Variants in FGF14 observed in about 807,000 individuals in gnomAD.
FGF14 encodes the protein fibroblast growth factor homologous factor 4.
In FGF14, 5 loss-of-function variants were observed where a neutral mutation model predicts 25.5. The observed-to-expected ratio is 0.20, with a 90% confidence interval of 0.10 to 0.41. The LOEUF (loss-of-function observed/expected upper bound fraction) is 0.41. Among genes scored for constraint, FGF14 ranks in the 10% least tolerant of loss-of-function variants. FGF14 has a pLI of 1.00. For missense variants in FGF14, 222 were observed against 320.1 expected (o/e 0.69, Z 2.34); for synonymous variants, 138 against 118.3 (o/e 1.17, Z -1.08).
chr13:102,080,064 A>G (rs2043547222), intron 1 of FGF14, among the ~76,000 whole-genome samples: 1 of 152,116 alleles, frequency 6.6e-6, no homozygotes, highest in Non-Finnish European at 1.5e-5. Context: ...AGGGAAGAAG[A>G]TCATACAAAC....
chr13:101,980,355 A>C (rs2038173524), intron 1 of FGF14, among the ~76,000 whole-genome samples: 1 of 150,042 alleles, frequency 6.7e-6, no homozygotes, highest in Admixed American at 6.7e-5. Context: ...AAAAAAAAAA[A>C]CGGGGCTAGA....
At chr13:102,261,447 C>G (rs186545234) in intron 1 of FGF14, among the ~76,000 whole-genome samples, 3 of 152,280 alleles carry the variant, frequency 2.0e-5, no homozygotes, top group Admixed American at 2.0e-4. Flanking sequence ...TATAAATTAG[C>G]TGGAAGCAGC....
intron 1 of FGF14, among the ~76,000 whole-genome samples, chr13:102,156,382 G>C (rs1474404790): frequency 6.6e-6 from 1 of 152,072 alleles, no homozygotes; most frequent in Non-Finnish European, 1.5e-5. Context: ...ATGTAATCCA[G>C]CATATAAACA....
chr13:101,796,178 T>A, intron 3 of FGF14, among the ~76,000 whole-genome samples: 1 of 152,238 alleles, frequency 6.6e-6, no homozygotes, highest in South Asian at 2.1e-4. Flanking sequence ...AAAATTAATA[T>A]TTTTAAGTTA....
rs1263982949 is a variant in FGF14, at chr13:102,198,628, C to T, written c.208+202843G>A. Among the ~76,000 whole-genome samples the T allele has an allele frequency of 1.2e-4, 18 of 152,232 alleles. No individual in the cohort carries two copies. The South Asian group carries it at 3.7e-3, about 32-fold the overall frequency. ...TAATGTCAGTCCTCCTTCTAAAGAC[C>T]AGAGAAAATTTCTGTTCCACCTGAT... On this transcript the variant is annotated intron_variant, in intron 1 of 4. Transcript: ENST00000376131.
intron 1 of FGF14, among the ~76,000 whole-genome samples, chr13:102,014,998 G>A (rs76358399): frequency 0.034 from 5,204 of 152,172 alleles, 311 homozygotes; most frequent in African/African-American, 0.12. Context: ...TCAGCTCACC[G>A]CTGAGTTCAA....
At chr13:101,937,493 A>T (rs1410250054) in intron 1 of FGF14, among the ~76,000 whole-genome samples, 3 of 152,244 alleles carry the variant, frequency 2.0e-5, no homozygotes, top group African/African-American at 4.8e-5. Context: ...GGCCGTGGGC[A>T]AGCCCAGGAG....
chr13:101,792,872 C>CT (rs1381453291), intron 3 of FGF14, among the ~76,000 whole-genome samples: 1 of 151,742 alleles, frequency 6.6e-6, no homozygotes, highest in African/African-American at 2.4e-5. Context: ...ATTTGATTGG[C>CT]TTTTTTTGTA....
chr13:102,081,558 A>C (rs1465643993), intron 1 of FGF14, among the ~76,000 whole-genome samples: 1 of 152,186 alleles, frequency 6.6e-6, no homozygotes, highest in African/African-American at 2.4e-5. Context: ...TCTTTCACTT[A>C]ATGAAAAGAT....
intron 1 of FGF14, among the ~76,000 whole-genome samples, chr13:102,025,379 T>C (rs187866668): frequency 9.3e-4 from 142 of 152,174 alleles, no homozygotes; most frequent in African/African-American, 3.1e-3. Flanking sequence ...ATAATTTATT[T>C]TGATGATGTT....
intron 1 of FGF14, among the ~76,000 whole-genome samples, chr13:101,973,125 T>A (rs1434094013): frequency 6.6e-6 from 1 of 151,596 alleles, no homozygotes; most frequent in South Asian, 2.1e-4. Flanking sequence ...GCTTCTTTTT[T>A]TTTTTTTTTT....
At chr13:102,059,387 ATG>A (rs1413470274) in intron 1 of FGF14, among the ~76,000 whole-genome samples, 1 of 152,230 alleles carries the variant, frequency 6.6e-6, no homozygotes, top group Non-Finnish European at 1.5e-5. Context: ...CAGGCAAGGT[ATG>A]TGTCTCTAAA....
chr13:101,919,035 CTT>C (rs558847291), upstream of FGF14, among the ~76,000 whole-genome samples: 94 of 152,238 alleles, frequency 6.2e-4, no homozygotes, highest in Non-Finnish European at 1.2e-3. Flanking sequence ...TCATATGTCT[CTT>C]TTCTTCCATT....
chr13:102,235,801 G>A (rs1003358387), intron 1 of FGF14, among the ~76,000 whole-genome samples: 1 of 152,132 alleles, frequency 6.6e-6, no homozygotes, highest in Non-Finnish European at 1.5e-5. Flanking sequence ...GGTAAAATGA[G>A]GCTGAGACCT....
intron 1 of FGF14, among the ~76,000 whole-genome samples, chr13:102,390,133 T>G (rs2058398936): frequency 6.6e-6 from 1 of 152,190 alleles, no homozygotes; most frequent in African/African-American, 2.4e-5. Flanking sequence ...GAAGTTCTAC[T>G]ATAGGTCAAA....
intron 1 of FGF14, among the ~76,000 whole-genome samples, chr13:101,898,378 A>C (rs958893131): frequency 2.6e-5 from 4 of 151,720 alleles, no homozygotes; most frequent in Admixed American, 2.6e-4. Context: ...ACACACACAT[A>C]TCCCCAGAAA....
At chr13:102,170,092 G>A (rs1193671693) in intron 1 of FGF14, among the ~76,000 whole-genome samples, 1 of 152,104 alleles carries the variant, frequency 6.6e-6, no homozygotes, top group African/African-American at 2.4e-5. Context: ...CATAGTGGCT[G>A]GGTTGGAGGT....
At chr13:102,133,681 G>T (rs994715768) in intron 1 of FGF14, among the ~76,000 whole-genome samples, 1 of 152,182 alleles carries the variant, frequency 6.6e-6, no homozygotes, top group Admixed American at 6.5e-5. Context: ...CCGACAATTG[G>T]CTTACACGAG....
At chr13:102,298,484 T>C (rs575382542) in intron 1 of FGF14, among the ~76,000 whole-genome samples, 10 of 152,324 alleles carry the variant, frequency 6.6e-5, no homozygotes, top group African/African-American at 2.4e-4. Context: ...CTGATCCCAA[T>C]TGACTAACGA....
Sources: allele counts gnomAD v4.1 joint callset (sites outside exome capture counted in the v4.1 genomes callset), GRCh38; gene constraint gnomAD v4.1.1; transcripts MANE v1.5; gene names NCBI Gene and HGNC (gene_info 2026-07-23, HGNC 2026-07-21).